Variants in PRKG2 observed in about 807,000 individuals in gnomAD.
The protein encoded by PRKG2 is protein kinase cGMP-dependent 2, also known as cGMP-dependent protein kinase 2.
In PRKG2, 33 loss-of-function variants were observed where a neutral mutation model predicts 97.2. The ratio of observed to expected loss-of-function variants is 0.34; its 90% confidence interval spans 0.26 to 0.45. The LOEUF is 0.45. PRKG2 is among the 20% of genes least tolerant of loss of function. The pLI, the probability that PRKG2 is intolerant of heterozygous loss-of-function variation, is 1.00. For missense variants in PRKG2, 638 were observed against 900.0 expected, an observed-to-expected ratio of 0.71 and a Z score of 3.73; for synonymous variants, 330 against 321.8, an observed-to-expected ratio of 1.03 and a Z score of -0.27.
At chr4:81,205,362 C>A (rs1224644143) in intron 1 of PRKG2, among the ~76,000 whole-genome samples, 1 of 152,180 alleles carries the variant, frequency 6.6e-6, no homozygotes, top group East Asian at 1.9e-4. Flanking sequence ...TCTGGACAGT[C>A]TCTCTGAACA....
chr4:81,089,996 AAATAG>A (rs985402157), intron 18 of PRKG2, among the ~76,000 whole-genome samples, 193 bp from the exon 19 acceptor site: 1 of 152,172 alleles, frequency 6.6e-6, no homozygotes, highest in African/African-American at 2.4e-5. Context: ...CTTTACAACC[AAATAG>A]ATTTGGTCAC....
intron 3 of PRKG2, chr4:81,174,054 T>A (rs1485461046): frequency 1.3e-5 from 2 of 152,012 alleles, no homozygotes; most frequent in African/African-American, 4.8e-5. Flanking sequence ...GAGAAAAAAA[T>A]TGAGTAGTCA....
intron 14 of PRKG2, among the ~76,000 whole-genome samples, chr4:81,133,714 T>A (rs566242190): frequency 6.6e-6 from 1 of 152,206 alleles, no homozygotes; most frequent in Non-Finnish European, 1.5e-5. Flanking sequence ...TCTTACTCTT[T>A]GTTTAGCTGA....
At chr4:81,112,690 G>C (rs1744103795) in intron 14 of PRKG2, among the ~76,000 whole-genome samples, 1 of 152,118 alleles carries the variant, frequency 6.6e-6, no homozygotes, top group South Asian at 2.1e-4. Context: ...TATCTCCTTT[G>C]ATCATATCAA....
chr4:81,177,427 C>G (rs1287411924), intron 2 of PRKG2, among the ~76,000 whole-genome samples: 1 of 152,032 alleles, frequency 6.6e-6, no homozygotes, highest in Non-Finnish European at 1.5e-5. Flanking sequence ...AAGTTTCGGC[C>G]AGGCGCGGTG....
At chr4:81,198,017 C>G (rs918111451) in intron 2 of PRKG2, among the ~76,000 whole-genome samples, 2 of 152,182 alleles carry the variant, frequency 1.3e-5, no homozygotes, top group Admixed American at 6.5e-5. Context: ...TGTGCATCCC[C>G]TTAGGAATGT....
At chr4:81,112,844 A>G (rs1744121009) in intron 14 of PRKG2, among the ~76,000 whole-genome samples, 1 of 152,206 alleles carries the variant, frequency 6.6e-6, no homozygotes. Context: ...TTGTACCACC[A>G]TGGATACTAC....
intron 2 of PRKG2, among the ~76,000 whole-genome samples, chr4:81,202,866 G>C (rs1753403688): frequency 6.6e-6 from 1 of 151,986 alleles, no homozygotes; most frequent in African/African-American, 2.4e-5. Context: ...TTTGAACAAA[G>C]TAATTGAACA....
chr4:81,152,461 G>C (rs1358711895), intron 7 of PRKG2, among the ~76,000 whole-genome samples: 2 of 152,172 alleles, frequency 1.3e-5, no homozygotes, highest in African/African-American at 2.4e-5. Context: ...CAGTAGTTCT[G>C]AGTCTGGTAT....
At chr4:81,111,458 AT>A (rs1560544976) in intron 14 of PRKG2, among the ~76,000 whole-genome samples, 1 of 152,104 alleles carries the variant, frequency 6.6e-6, no homozygotes, top group Non-Finnish European at 1.5e-5. Flanking sequence ...GATTAATATT[AT>A]ATCATGTAAT....
intron 4 of PRKG2, 131 bp downstream of exon 4, chr4:81,171,560 G>A: frequency 1.7e-6 from 1 of 603,926 alleles, no homozygotes; most frequent in South Asian, 3.9e-5. Flanking sequence ...AATAGGCATA[G>A]CATTTCTATT....
chr4:81,138,368 G>A (rs1198885919), intron 12 of PRKG2, among the ~76,000 whole-genome samples: 3 of 152,088 alleles, frequency 2.0e-5, no homozygotes, highest in Non-Finnish European at 2.9e-5. Context: ...TAGAACAGCC[G>A]TATCATACAC....
At position 81,180,835 on chromosome 4, in the gene PRKG2, T is replaced by A. The variant is rs964924782; in HGVS notation, c.462-5876A>T. Reference sequence around the variant, plus strand: ...TTCAGAATACACATTCATTACTTTTTTTATTATTATTATTGTACTTTAAGT... The same window carrying A: ...TTCAGAATACACATTCATTACTTTTATTATTATTATTATTGTACTTTAAGT... On this transcript the variant is annotated intron_variant, in intron 2 of 18. Coordinates refer to ENST00000264399, the MANE Select transcript of PRKG2 (RefSeq NM_006259.3). 9.9e-5 allele frequency among the ~76,000 whole-genome samples: 15 copies of A among 152,208 alleles called. No individual in the cohort carries two copies. In the East Asian group the frequency reaches 1.4e-3, roughly 14 times the overall value.
intron 15 of PRKG2, among the ~76,000 whole-genome samples, chr4:81,106,190 T>G (rs1560539992): frequency 6.6e-6 from 1 of 151,908 alleles, no homozygotes; most frequent in East Asian, 1.9e-4. Flanking sequence ...AATAATAAAA[T>G]AAAGAAAGGG....
chr4:81,159,998 T>C (rs1749474307), intron 6 of PRKG2, among the ~76,000 whole-genome samples: 1 of 149,488 alleles, frequency 6.7e-6, no homozygotes. Context: ...TTGGGAGATA[T>C]ACCTAATGCT....
intron 2 of PRKG2, among the ~76,000 whole-genome samples, chr4:81,202,647 G>A (rs1753388091): frequency 6.6e-6 from 1 of 152,046 alleles, no homozygotes; most frequent in Middle Eastern, 3.2e-3. Context: ...TTATTCAGGA[G>A]ATACAATATC....
At chr4:81,202,051 A>G (rs1753347659) in intron 2 of PRKG2, among the ~76,000 whole-genome samples, 1 of 152,214 alleles carries the variant, frequency 6.6e-6, no homozygotes, top group Non-Finnish European at 1.5e-5. Flanking sequence ...AAAATCTCTG[A>G]TATCTAGCAG....
intron 14 of PRKG2, among the ~76,000 whole-genome samples, chr4:81,110,886 G>C (rs34850867): frequency 1.3e-5 from 2 of 150,836 alleles, no homozygotes; most frequent in Admixed American, 1.3e-4. Context: ...CTCTGCCCAC[G>C]ACCCCTAGAG....
At chr4:81,183,097 A>G (rs1250015887) in intron 2 of PRKG2, among the ~76,000 whole-genome samples, 1 of 152,152 alleles carries the variant, frequency 6.6e-6, no homozygotes, top group South Asian at 2.1e-4. Flanking sequence ...AAATTACAAC[A>G]CTTAAAGTAA....
Sources: gnomAD v4.1 joint callset for allele counts (sites outside exome capture counted in the v4.1 genomes callset) on GRCh38, gnomAD v4.1.1 for gene constraint, MANE v1.5 for transcripts, NCBI Gene and HGNC (gene_info 2026-07-23, HGNC 2026-07-21) for gene names.